UGT1A5: variants seen among roughly 807,000 people sequenced by gnomAD.
UGT1A5 encodes UDP glucuronosyltransferase family 1 member A5.
UGT1A5 carries 29 observed loss-of-function variants against 40.3 expected under a neutral mutation model. The observed-to-expected ratio is 0.72, with a 90% CI of 0.54 to 0.98. The LOEUF is 0.98. Ranked by LOEUF, UGT1A5 falls within the 50% of genes least tolerant of loss-of-function variation. The pLI is 0.00. For missense variants in UGT1A5, 678 were observed against 677.9 expected, an observed-to-expected ratio of 1.00 and a Z score of 0.00; for synonymous variants, 257 against 262.5, an observed-to-expected ratio of 0.98 and a Z score of 0.20.
intron 1 of UGT1A5, among the ~76,000 whole-genome samples, chr2:233,741,186 G>A (rs901469782): frequency 6.6e-6 from 1 of 151,878 alleles, no homozygotes; most frequent in African/African-American, 2.4e-5. Flanking sequence ...ACTTGTGTTT[G>A]CTTTCAACTG....
At chr2:233,768,733 C>T (rs748503352) in intron 4 of UGT1A5, among the ~76,000 whole-genome samples, 3 of 151,708 alleles carry the variant, frequency 2.0e-5, no homozygotes, top group Admixed American at 6.6e-5. Context: ...CAGGTGTCCA[C>T]CACCACGCCC....
At chr2:233,756,794 A>G (rs1409639482) in intron 1 of UGT1A5, among the ~76,000 whole-genome samples, 1 of 152,086 alleles carries the variant, frequency 6.6e-6, no homozygotes, top group Admixed American at 6.5e-5. Flanking sequence ...GTGGGGCAAT[A>G]CACTAGTAAA....
chr2:233,765,231 A>G (rs1698784494), intron 1 of UGT1A5, among the ~76,000 whole-genome samples: 1 of 152,148 alleles, frequency 6.6e-6, no homozygotes, highest in African/African-American at 2.4e-5. Context: ...ACATAAAACC[A>G]TAGACTCAGT....
intron 1 of UGT1A5, among the ~76,000 whole-genome samples, chr2:233,763,257 T>A (rs187516962): frequency 6.6e-6 from 1 of 152,268 alleles, no homozygotes. Context: ...TAACCTGTTT[T>A]GTCTTGTTGC....
chr2:233,723,990 T>G, intron 1 of UGT1A5, among the ~76,000 whole-genome samples: 1 of 68,950 alleles, frequency 1.5e-5, no homozygotes, highest in South Asian at 6.4e-4. Context: ...TTTCCCGCCT[T>G]TCTATTCCAC....
chr2:233,768,495 T>C (rs1699626018), intron 4 of UGT1A5, 56 bp downstream of exon 4: 19 of 1,573,996 alleles, frequency 1.2e-5, no homozygotes, highest in Non-Finnish European at 1.5e-5. Flanking sequence ...ATAAAATTGT[T>C]TCAAATATGA....
intron 1 of UGT1A5, chr2:233,747,817 C>T: frequency 6.2e-7 from 1 of 1,613,510 alleles, no homozygotes; most frequent in South Asian, 1.1e-5. Flanking sequence ...ACGACCAATT[C>T]AGACCACATG....
intron 1 of UGT1A5, chr2:233,740,766 G>A (rs189465133): frequency 3.0e-4 from 46 of 151,826 alleles, no homozygotes; most frequent in Admixed American, 7.8e-4. Context: ...TTATCAAACC[G>A]TTGTATAAAA....
At chr2:233,767,540 C>G (rs570115667) in intron 2 of UGT1A5, among the ~76,000 whole-genome samples, 2 of 152,230 alleles carry the variant, frequency 1.3e-5, no homozygotes, top group Non-Finnish European at 2.9e-5. Flanking sequence ...CATTTCTGCT[C>G]TTATAGTTCT....
intron 1 of UGT1A5, among the ~76,000 whole-genome samples, chr2:233,724,767 C>T (rs2125706363): frequency 7.0e-6 from 1 of 143,094 alleles, no homozygotes; most frequent in African/African-American, 2.7e-5. Context: ...GGCGGCCAGG[C>T]AGAGACACTC....
chr2:233,716,592 A>T (rs953588234), intron 1 of UGT1A5, among the ~76,000 whole-genome samples: 3 of 152,124 alleles, frequency 2.0e-5, no homozygotes, highest in African/African-American at 7.2e-5. Context: ...AAAGAGCAAA[A>T]ATTTTAGAAT....
At chr2:233,768,583 T>C (rs2538830) in intron 4 of UGT1A5, 144 bp downstream of exon 4, 1 of 47,932 alleles carries the variant, frequency 2.1e-5, no homozygotes, top group Non-Finnish European at 2.6e-5. Flanking sequence ...TTATTTCTTC[T>C]TTTTTTTTTT....
At chr2:233,729,480 C>A in intron 1 of UGT1A5, 2 of 1,614,162 alleles carry the variant, frequency 1.2e-6, no homozygotes. Flanking sequence ...CAATGTTGAA[C>A]AATATGTCTT....
At position 233,713,335 on chromosome 2, in the gene UGT1A5, C is replaced by T. The variant is rs770287319; in HGVS notation, c.344C>T (p.Ala115Val). The change falls in exon 1 of 5, where the codon GCA becomes GTA. Residue 115 changes from alanine to valine, a missense_variant. Transcript: ENST00000373414. ...CTGATGAAATTTTCTAGAAGAATGG[C>T]AATTATGAACAATATGTCTTTGATC... ...HLLMKFSRRM[A>V]IMNNMSLIIH... The T allele has an allele frequency of 5.5e-5, 88 of 1,614,020 alleles. No individual in the cohort carries two copies. Among genetic ancestry groups the T allele is most frequent in the Non-Finnish European group, 7.0e-5 (83 of 1,180,036 alleles).
At chr2:233,715,207 AC>A (rs1408524816) in intron 1 of UGT1A5, among the ~76,000 whole-genome samples, 1 of 152,002 alleles carries the variant, frequency 6.6e-6, no homozygotes, top group East Asian at 1.9e-4. Flanking sequence ...CTTTTAAAAG[AC>A]CCTCTACTGA....
Position 233,767,954 on chromosome 2 carries a change from G to A in UGT1A5, c.1087+18G>A, listed in dbSNP as rs770382182. On this transcript the variant is annotated intron_variant, in intron 3 of 4. Transcript: ENST00000373414. ...TCTGCTTGGTATGTTGGGCGGATTG[G>A]ATGTATAGGTCAAACCAGGGTCAAA... 1.9e-5 allele frequency: 30 copies of A among 1,614,036 alleles called. No homozygotes were observed. The highest frequency in any genetic ancestry group is 2.5e-6 in the Non-Finnish European group (3 of 1,180,050).
chr2:233,725,175 T>C (rs1280099835), intron 1 of UGT1A5, among the ~76,000 whole-genome samples: 1 of 81,992 alleles, frequency 1.2e-5, no homozygotes, highest in African/African-American at 7.9e-5. Context: ...AGGGAGACCG[T>C]GGGGAGAGGC....
In UGT1A5 at chr2:233,754,812, C is replaced by A. The variant is rs570173329; in HGVS notation, c.868-12222C>A. 401 of 1,317,492 alleles carry A rather than the reference C, an allele frequency of 3.0e-4. 1 individual carries two copies. Among genetic ancestry groups the A allele is most frequent in the Non-Finnish European group, 3.4e-4 (334 of 983,548 alleles). 81.6% of individuals were successfully genotyped at this position (1,317,492 alleles called of 1,614,324 possible). On this transcript the variant is annotated intron_variant, in intron 1 of 4. Transcript: ENST00000373414. ...AAATCCTGTATCAAAAGAAGAAAAA[C>A]CACCCTCAAAAGCTGGAAATTCACT...
chr2:233,718,430 G>A (rs972830919), intron 1 of UGT1A5, among the ~76,000 whole-genome samples: 1 of 152,312 alleles, frequency 6.6e-6, no homozygotes, highest in Admixed American at 6.5e-5. Context: ...CATGTGGTTG[G>A]GGACTAGGGC....
Sources: allele counts gnomAD v4.1 joint callset (sites outside exome capture counted in the v4.1 genomes callset), GRCh38; gene constraint gnomAD v4.1.1; transcripts MANE v1.5; gene names NCBI Gene and HGNC (gene_info 2026-07-23, HGNC 2026-07-21).